MCUB: variants seen among roughly 807,000 people sequenced by gnomAD.
MCUB encodes calcium uniporter regulatory subunit MCUb, mitochondrial.
A neutral mutation model predicts 41.4 loss-of-function variants in MCUB; 46 were observed. The ratio of observed to expected loss-of-function variants is 1.11; its 90% confidence interval spans 0.88 to 1.42. MCUB has a LOEUF of 1.42. MCUB is among the 40% of genes most tolerant of loss of function. The pLI is 0.00. For missense variants in MCUB, 403 were observed against 404.9 expected (o/e 1.00, Z 0.04); for synonymous variants, 148 against 148.2 (o/e 1.00, Z 0.01).
chr4:109,674,217 A>T (rs1420516287), intron 4 of MCUB: 1 of 752,326 alleles, frequency 1.3e-6, no homozygotes, highest in Admixed American at 1.9e-5. Flanking sequence ...ACTAATTTGT[A>T]TGGGTTTAGA....
intron 1 of MCUB, among the ~76,000 whole-genome samples, chr4:109,646,973 A>G (rs1728853372): frequency 6.6e-6 from 1 of 152,236 alleles, no homozygotes; most frequent in Admixed American, 6.5e-5. Context: ...AAGAGCTGGC[A>G]AATAACAGCA....
intron 1 of MCUB, among the ~76,000 whole-genome samples, chr4:109,624,061 C>T (rs1240013895): frequency 6.6e-6 from 1 of 152,080 alleles, no homozygotes; most frequent in Non-Finnish European, 1.5e-5. Context: ...CTATGTTGCC[C>T]AGGCTGGTCT....
chr4:109,579,889 A>T (rs1727128725), intron 1 of MCUB, among the ~76,000 whole-genome samples: 3 of 152,092 alleles, frequency 2.0e-5, no homozygotes, highest in Admixed American at 1.3e-4. Flanking sequence ...ACTTTTTATT[A>T]TTTTTTTATT....
At chr4:109,573,175 G>T (rs899375708) in intron 1 of MCUB, among the ~76,000 whole-genome samples, 1 of 152,086 alleles carries the variant, frequency 6.6e-6, no homozygotes, top group African/African-American at 2.4e-5. Context: ...GGAACAGATT[G>T]GGCACGGTGG....
chr4:109,687,650 A>G lies in MCUB; in HGVS notation c.*58A>G. On this transcript the variant is annotated 3_prime_UTR_variant, in exon 8 of 8. Coordinates refer to ENST00000394650, the MANE Select transcript of MCUB (RefSeq NM_017918.5). ...TTATGTATTGATTTTGCAACTTAGG[A>G]TGTTTTTGAGTCCCATGGTTCATTT... is the stretch of plus-strand genomic sequence containing the variant. The G allele has an allele frequency of 9.2e-7, 1 of 1,084,816 alleles. No individual in the cohort carries two copies. The highest frequency in any genetic ancestry group is 1.4e-6 in the Non-Finnish European group (1 of 709,982). The allele number at this position is 1,084,816 out of a possible 1,614,324, so 67.2% of individuals were successfully genotyped here.
chr4:109,593,299 G>C (rs1413465093), intron 1 of MCUB, among the ~76,000 whole-genome samples: 4 of 142,478 alleles, frequency 2.8e-5, no homozygotes, highest in Non-Finnish European at 6.0e-5. Context: ...CGGATAATAA[G>C]AAACAGTATA....
chr4:109,660,212 A>G lies in MCUB; in HGVS notation c.193A>G (p.Arg65Gly), dbSNP rs747094722. The change falls in exon 3 of 8, where the codon AGA becomes GGA. Residue 65 changes from arginine to glycine, a missense_variant. By Grantham distance (125) the Arg-to-Gly change is moderately radical (BLOSUM62 -2). Coordinates refer to ENST00000394650, the MANE Select transcript of MCUB (RefSeq NM_017918.5). Reference protein sequence around the residue: ...VPPDEITVIYRHGLPLVTLTL... With the variant: ...VPPDEITVIYGHGLPLVTLTL... ...CTTAACAGAAATAACAGTTATTTATAGACATGGCCTTCCCTTGGTAACACT... is the reference window on the plus strand; with the variant it reads ...CTTAACAGAAATAACAGTTATTTATGGACATGGCCTTCCCTTGGTAACACT... 6.4e-7 allele frequency: 1 copy of G among 1,554,900 alleles called. No individual in the cohort carries two copies. The highest frequency in any genetic ancestry group is 1.2e-5 in the South Asian group (1 of 83,662).
rs1251067384 is a variant in MCUB, at chr4:109,577,404, T to C, written c.99+16968T>C. ...GCTTAGCATGTGCCATACACTATCA[T>C]GAGCTTTGTCTCACTCAGTCCCCCT... On this transcript the variant is annotated intron_variant, in intron 1 of 7. Transcript: ENST00000394650. 3.3e-5 allele frequency among the ~76,000 whole-genome samples: 5 copies of C among 152,286 alleles called. No homozygotes were observed. In the East Asian group the frequency reaches 9.7e-4, roughly 29 times the overall value.
intron 1 of MCUB, among the ~76,000 whole-genome samples, chr4:109,591,209 A>T (rs1035333802): frequency 6.7e-6 from 1 of 148,180 alleles, no homozygotes; most frequent in South Asian, 2.1e-4. Context: ...TTCCTTTGAG[A>T]CAGTCTCACT....
intron 1 of MCUB, among the ~76,000 whole-genome samples, chr4:109,631,944 G>A (rs1018719393): frequency 4.6e-5 from 7 of 152,046 alleles, no homozygotes; most frequent in Admixed American, 2.6e-4. Context: ...GCTTGGTCCT[G>A]TTTACACTGC....
intron 1 of MCUB, among the ~76,000 whole-genome samples, chr4:109,586,714 CA>C: frequency 6.6e-6 from 1 of 152,132 alleles, no homozygotes; most frequent in East Asian, 1.9e-4. Flanking sequence ...TCAGGTCCCT[CA>C]GCTGCAGGTC....
intron 1 of MCUB, among the ~76,000 whole-genome samples, chr4:109,618,952 TTC>T (rs10557098): frequency 0.27 from 34,482 of 127,050 alleles, 4,353 homozygotes; most frequent in East Asian, 0.35. Flanking sequence ...AACATTAAAC[TTC>T]TCTCTCTCTC....
intron 1 of MCUB, among the ~76,000 whole-genome samples, chr4:109,600,844 G>A (rs1189238844): frequency 6.6e-6 from 1 of 152,024 alleles, no homozygotes; most frequent in African/African-American, 2.4e-5. Context: ...CACCAGGCAG[G>A]AGTACAGTGG....
intron 1 of MCUB, among the ~76,000 whole-genome samples, chr4:109,611,356 T>A (rs1728003601): frequency 6.6e-6 from 1 of 152,220 alleles, no homozygotes; most frequent in East Asian, 1.9e-4. Context: ...ATTAGAGCAG[T>A]TAAGTAGACA....
intron 1 of MCUB, among the ~76,000 whole-genome samples, chr4:109,610,518 G>A (rs757327533): frequency 1.4e-4 from 22 of 152,152 alleles, no homozygotes; most frequent in Non-Finnish European, 2.5e-4. Context: ...CCTGGTGGAT[G>A]TTCCCTTTCT....
chr4:109,589,924 A>G (rs1406242976), intron 1 of MCUB, among the ~76,000 whole-genome samples: 1 of 152,242 alleles, frequency 6.6e-6, no homozygotes, highest in Admixed American at 6.5e-5. Context: ...TATCTTAGAT[A>G]AGAATGCTAG....
At chr4:109,609,989 A>G (rs1361584836) in intron 1 of MCUB, among the ~76,000 whole-genome samples, 2 of 152,148 alleles carry the variant, frequency 1.3e-5, no homozygotes, top group Non-Finnish European at 2.9e-5. Context: ...AAACCACAAG[A>G]CAAAGTTCCT....
intron 1 of MCUB, among the ~76,000 whole-genome samples, chr4:109,581,376 T>A (rs1727170185): frequency 6.6e-6 from 1 of 152,082 alleles, no homozygotes; most frequent in Non-Finnish European, 1.5e-5. Context: ...TATAGAAAAA[T>A]TAATTCAAGA....
At chr4:109,659,947 C>T (rs1199081046) in intron 2 of MCUB, among the ~76,000 whole-genome samples, 2 of 152,192 alleles carry the variant, frequency 1.3e-5, no homozygotes, top group South Asian at 2.1e-4. Context: ...CATGAGCCAC[C>T]ATGCCGGCCA....
Sources: gnomAD v4.1 joint callset for allele counts (sites outside exome capture counted in the v4.1 genomes callset) on GRCh38, gnomAD v4.1.1 for gene constraint, MANE v1.5 for transcripts, NCBI Gene and HGNC (gene_info 2026-07-23, HGNC 2026-07-21) for gene names.